The following RASGRF2 variants were observed in gnomAD, a reference collection of about 807,000 sequenced individuals.
RASGRF2 encodes the protein Ras protein specific guanine nucleotide releasing factor 2, also known as ras-specific guanine nucleotide-releasing factor 2.
RASGRF2 carries 76 observed loss-of-function variants against 151.0 expected under a neutral mutation model. The ratio of observed to expected loss-of-function variants is 0.50; its 90% CI spans 0.42 to 0.61. The LOEUF is 0.61. Among genes scored for constraint, RASGRF2 ranks in the 20% least tolerant of loss-of-function variants. The pLI is 0.00. For missense variants in RASGRF2, 1,148 were observed against 1,564.6 expected (o/e 0.73, Z 4.49); for synonymous variants, 504 against 566.5 (o/e 0.89, Z 1.57).
intron 17 of RASGRF2, among the ~76,000 whole-genome samples, chr5:81,157,489 A>G (rs962828897): frequency 6.6e-6 from 1 of 152,136 alleles, no homozygotes; most frequent in Non-Finnish European, 1.5e-5. Flanking sequence ...AAGACTTAAT[A>G]TTTGTTAAGA....
At position 81,167,947 on chromosome 5, in the gene RASGRF2, C is replaced by T. The variant is rs149486827; in HGVS notation, c.2687-12228C>T. On this transcript the variant is annotated intron_variant, in intron 17 of 26. Coordinates refer to ENST00000265080, the MANE Select transcript of RASGRF2 (RefSeq NM_006909.3). ...CAATCCTAGTAAAGTCATGTTCCTACACTGCCTTTTACCCTTTACCGCCTT... is the reference window on the plus strand; with the variant it reads ...CAATCCTAGTAAAGTCATGTTCCTATACTGCCTTTTACCCTTTACCGCCTT... Among the ~76,000 whole-genome samples the T allele has an allele frequency of 3.1e-3, 465 of 152,300 alleles. 1 individual carries two copies. The highest frequency in any genetic ancestry group is 0.011 in the African/African-American group (442 of 41,568).
chr5:80,976,448 A>G (rs1748117837), intron 1 of RASGRF2, among the ~76,000 whole-genome samples: 2 of 152,224 alleles, frequency 1.3e-5, no homozygotes, highest in South Asian at 4.1e-4. Flanking sequence ...GCCCTTAGCT[A>G]GGAGCTGGAA....
intron 16 of RASGRF2, among the ~76,000 whole-genome samples, chr5:81,125,060 T>C (rs755239307): frequency 2.6e-5 from 4 of 152,178 alleles, no homozygotes; most frequent in Admixed American, 6.5e-5. Context: ...GCAGTTTTTA[T>C]ATTTTTAGTA....
chr5:81,025,799 A>G (rs1257310383), intron 1 of RASGRF2, among the ~76,000 whole-genome samples: 1 of 152,218 alleles, frequency 6.6e-6, no homozygotes, highest in Non-Finnish European at 1.5e-5. Context: ...GTTGGGGGCC[A>G]CTGGAGGGAA....
chr5:81,180,135 G>A (rs956066957), intron 17 of RASGRF2, 40 bp from the exon 18 acceptor site: 2 of 1,226,828 alleles, frequency 1.6e-6, no homozygotes, highest in Non-Finnish European at 2.4e-6. Context: ...CTAGGGAGTG[G>A]CTTTAACTGC....
intron 1 of RASGRF2, among the ~76,000 whole-genome samples, chr5:81,027,255 A>G (rs1471183134): frequency 1.3e-5 from 2 of 152,218 alleles, no homozygotes; most frequent in African/African-American, 2.4e-5. Context: ...ATAATTATGC[A>G]TCAATATTTG....
intron 12 of RASGRF2, among the ~76,000 whole-genome samples, chr5:81,105,786 C>G (rs1457148985): frequency 6.6e-6 from 1 of 152,148 alleles, no homozygotes; most frequent in Non-Finnish European, 1.5e-5. Context: ...CCATCCAATC[C>G]TTTTCCTCAT....
chr5:81,109,996 T>C (rs1752952062), intron 13 of RASGRF2, among the ~76,000 whole-genome samples: 1 of 152,206 alleles, frequency 6.6e-6, no homozygotes, highest in African/African-American at 2.4e-5. Flanking sequence ...CCCAGCCTTA[T>C]TGAGCCTGAT....
At chr5:81,114,412 T>C (rs572495065) in intron 15 of RASGRF2, among the ~76,000 whole-genome samples, 6 of 152,328 alleles carry the variant, frequency 3.9e-5, no homozygotes, top group Admixed American at 2.6e-4. Context: ...TTAGTTTAGT[T>C]ATGAGGACAG....
At chr5:81,024,460 A>G (rs1749945677) in intron 1 of RASGRF2, among the ~76,000 whole-genome samples, 1 of 151,530 alleles carries the variant, frequency 6.6e-6, no homozygotes, top group Admixed American at 6.6e-5. Flanking sequence ...GGGTTTCACT[A>G]TGTTGGCCAG....
At chr5:81,009,122 G>A (rs1749371393) in intron 1 of RASGRF2, among the ~76,000 whole-genome samples, 1 of 152,206 alleles carries the variant, frequency 6.6e-6, no homozygotes, top group Non-Finnish European at 1.5e-5. Flanking sequence ...TGATTGTCCT[G>A]CCTCTTTCAG....
chr5:80,980,071 T>A lies in RASGRF2; in HGVS notation c.288+19045T>A, dbSNP rs116661676. ...CCATTTGGCTTAGAGAATGGCTTAT[T>A]TGACAGTTTGGTAATTTTAGCCCAT... On this transcript the variant is annotated intron_variant, in intron 1 of 26. Transcript: ENST00000265080. Among the ~76,000 whole-genome samples, 862 of 152,348 alleles carry A rather than the reference T, an allele frequency of 5.7e-3. 7 individuals carry two copies. The highest frequency in any genetic ancestry group is 0.02 in the African/African-American group (818 of 41,588).
At chr5:81,085,315 T>C (rs1385842364) in intron 7 of RASGRF2, among the ~76,000 whole-genome samples, 2 of 152,096 alleles carry the variant, frequency 1.3e-5, no homozygotes, top group African/African-American at 2.4e-5. Context: ...AGGAGGTGAA[T>C]TGAGATAAAG....
chr5:81,219,868 C>G, intron 26 of RASGRF2, 90 bp downstream of exon 26: 1 of 973,964 alleles, frequency 1.0e-6, no homozygotes, highest in South Asian at 1.7e-5. Flanking sequence ...TCCAAAATAC[C>G]AAAAGCTAGC....
chr5:81,092,678 A>G (rs559383817), intron 9 of RASGRF2, 123 bp from the exon 10 acceptor site: 3 of 844,906 alleles, frequency 3.6e-6, no homozygotes, highest in South Asian at 3.4e-5. Flanking sequence ...TGTTCTGATG[A>G]TGTGTCACAT....
At chr5:81,060,305 C>CA (rs994016541) in intron 2 of RASGRF2, among the ~76,000 whole-genome samples, 9 of 152,200 alleles carry the variant, frequency 5.9e-5, no homozygotes. Flanking sequence ...GGCCCACTCC[C>CA]ACTGCAGGGC....
At chr5:81,044,593 G>A (rs922241025) in intron 2 of RASGRF2, among the ~76,000 whole-genome samples, 1 of 152,108 alleles carries the variant, frequency 6.6e-6, no homozygotes, top group African/African-American at 2.4e-5. Context: ...TGTGCCAAGT[G>A]TTTTATGTAC....
At chr5:81,088,355 G>A (rs971509871) in intron 9 of RASGRF2, 4 of 152,346 alleles carry the variant, frequency 2.6e-5, no homozygotes, top group African/African-American at 9.7e-5. Context: ...CCTCCAGTTA[G>A]AATGGATTTA....
At chr5:81,197,983 AT>A (rs2112707960) in intron 18 of RASGRF2, among the ~76,000 whole-genome samples, 1 of 152,172 alleles carries the variant, frequency 6.6e-6, no homozygotes, top group East Asian at 1.9e-4. Flanking sequence ...TACCTTGAAA[AT>A]TTTTTGAGAG....
Sources: allele counts gnomAD v4.1 joint callset (sites outside exome capture counted in the v4.1 genomes callset), GRCh38; gene constraint gnomAD v4.1.1; transcripts MANE v1.5; gene names NCBI Gene and HGNC (gene_info 2026-07-23, HGNC 2026-07-21).